DLG2: variants seen among roughly 807,000 people sequenced by gnomAD.
The protein encoded by DLG2 is disks large homolog 2.
DLG2 carries 45 observed loss-of-function variants against 132.5 expected under a neutral mutation model. The ratio of observed to expected loss-of-function variants is 0.34; its 90% CI spans 0.27 to 0.44. The LOEUF (loss-of-function observed/expected upper bound fraction) is 0.44. DLG2 is among the 20% of genes least tolerant of loss of function. The pLI, the probability that DLG2 is intolerant of heterozygous loss-of-function variation, is 1.00. For missense variants in DLG2, 1,045 were observed against 1,196.9 expected (o/e 0.87, Z 1.87); for synonymous variants, 424 against 419.6 (o/e 1.01, Z -0.13).
chr11:85,309,927 CT>C (rs1252926917), intron 3 of DLG2, among the ~76,000 whole-genome samples: 3 of 152,112 alleles, frequency 2.0e-5, no homozygotes, highest in Non-Finnish European at 4.4e-5. Flanking sequence ...CAGGATTTTG[CT>C]TTCTGTTTAT....
At chr11:84,656,570 T>G (rs1389737816) in intron 6 of DLG2, among the ~76,000 whole-genome samples, 2 of 152,176 alleles carry the variant, frequency 1.3e-5, no homozygotes, top group African/African-American at 4.8e-5. Flanking sequence ...CAACTATGTT[T>G]GGGATCATGA....
At chr11:83,510,730 A>T (rs1041818694) in intron 21 of DLG2, among the ~76,000 whole-genome samples, 28 of 151,674 alleles carry the variant, frequency 1.8e-4, no homozygotes, top group African/African-American at 6.8e-4. Context: ...GCTAAATGCA[A>T]GTAGACTGTG....
chr11:83,992,650 C>A (rs1356230596), intron 11 of DLG2, among the ~76,000 whole-genome samples: 1 of 152,040 alleles, frequency 6.6e-6, no homozygotes, highest in African/African-American at 2.4e-5. Context: ...GTCTGTAGAA[C>A]CATTAATGTA....
intron 3 of DLG2, among the ~76,000 whole-genome samples, chr11:85,502,032 T>C (rs901902132): frequency 2.0e-5 from 3 of 152,154 alleles, no homozygotes; most frequent in African/African-American, 7.2e-5. Flanking sequence ...TGTCCACCAA[T>C]GATAGACTGG....
intron 12 of DLG2, among the ~76,000 whole-genome samples, chr11:83,968,387 C>G (rs2090663048): frequency 6.6e-6 from 1 of 152,152 alleles, no homozygotes; most frequent in African/African-American, 2.4e-5. Flanking sequence ...TCTCACATTT[C>G]TCTTCTAGAT....
At chr11:84,165,547 A>G (rs573128043) in intron 8 of DLG2, among the ~76,000 whole-genome samples, 17 of 152,316 alleles carry the variant, frequency 1.1e-4, no homozygotes, top group African/African-American at 3.8e-4. Context: ...ATTCAACAGT[A>G]TCCAGGTTCT....
At chr11:85,532,841 CA>C (rs1448163829) in intron 3 of DLG2, among the ~76,000 whole-genome samples, 2 of 152,036 alleles carry the variant, frequency 1.3e-5, no homozygotes, top group African/African-American at 4.8e-5. Context: ...GTCCTGAAAT[CA>C]AAGCTATTTT....
At chr11:84,469,579 C>A (rs1051275925) in intron 7 of DLG2, among the ~76,000 whole-genome samples, 1 of 151,528 alleles carries the variant, frequency 6.6e-6, no homozygotes, top group Non-Finnish European at 1.5e-5. Flanking sequence ...TGTAGTAAAT[C>A]AACATTACTA....
rs116730925 is a variant in DLG2 at position 84,105,807 on chromosome 11, T to C, written c.625-6760A>G. On this transcript the variant is annotated intron_variant, in intron 9 of 27. Transcript: ENST00000376104. ...TCTCACTAACCCCAAGATTCCTATA[T>C]GCTTCCCTTAACCCAGGAACACCTA... Among the ~76,000 whole-genome samples the C allele has an allele frequency of 5.7e-3, 873 of 152,272 alleles. 7 individuals are homozygous for C. Among genetic ancestry groups the C allele is most frequent in the African/African-American group, 0.02 (827 of 41,586 alleles).
intron 21 of DLG2, among the ~76,000 whole-genome samples, chr11:83,485,740 G>C (rs1435435084): frequency 6.6e-6 from 1 of 152,132 alleles, no homozygotes; most frequent in African/African-American, 2.4e-5. Flanking sequence ...TGACAAAATG[G>C]TATAAATAAC....
At chr11:84,500,792 C>T (rs1325377829) in intron 7 of DLG2, among the ~76,000 whole-genome samples, 1 of 152,158 alleles carries the variant, frequency 6.6e-6, no homozygotes, top group Non-Finnish European at 1.5e-5. Context: ...GATCCCAACA[C>T]AGTGTAGTAT....
chr11:84,976,189 T>G (rs961212079), intron 6 of DLG2, among the ~76,000 whole-genome samples: 1 of 152,198 alleles, frequency 6.6e-6, no homozygotes, highest in Non-Finnish European at 1.5e-5. Context: ...GGAATTTTTT[T>G]GTGTGTATCT....
chr11:85,507,597 C>G (rs1352838875), intron 3 of DLG2, among the ~76,000 whole-genome samples: 1 of 152,188 alleles, frequency 6.6e-6, no homozygotes. Flanking sequence ...GTCTGATGGG[C>G]TTCCCTTTTT....
intron 11 of DLG2, among the ~76,000 whole-genome samples, chr11:84,029,184 T>G (rs771621921): frequency 6.6e-5 from 10 of 152,098 alleles, no homozygotes; most frequent in Non-Finnish European, 1.3e-4. Flanking sequence ...AGTTACTATT[T>G]TCCTATTGGA....
At chr11:84,761,416 T>C (rs535954184) in intron 6 of DLG2, among the ~76,000 whole-genome samples, 18 of 152,292 alleles carry the variant, frequency 1.2e-4, no homozygotes, top group East Asian at 1.9e-4. Context: ...CCTGAAGTAC[T>C]GTTCCTGGGT....
intron 11 of DLG2, among the ~76,000 whole-genome samples, chr11:83,989,190 C>T (rs969827468): frequency 6.6e-5 from 10 of 152,110 alleles, no homozygotes; most frequent in Non-Finnish European, 1.2e-4. Flanking sequence ...CTGTATAAGG[C>T]ATCACATTGC....
chr11:83,833,867 T>G, intron 16 of DLG2, 97 bp from the exon 17 acceptor site: 6 of 1,251,866 alleles, frequency 4.8e-6, no homozygotes. Flanking sequence ...AGCAACTCAC[T>G]ACTTGTAAAA....
In DLG2 at chr11:84,703,866, A is replaced by ATATATATATATATATATG. The variant is rs1555174822; in HGVS notation, c.358-169136_358-169135insCATATATATATATATATA. Among the ~76,000 whole-genome samples, 336 of 118,336 alleles carry ATATATATATATATATATG rather than the reference A, an allele frequency of 2.8e-3. 11 individuals are homozygous for ATATATATATATATATATG. Among genetic ancestry groups the ATATATATATATATATATG allele is most frequent in the African/African-American group, 0.015 (326 of 22,442 alleles). 77.6% of individuals were successfully genotyped at this position (118,336 alleles called of 152,430 possible). On this transcript the variant is annotated intron_variant, in intron 6 of 27. Coordinates refer to ENST00000376104, the MANE Select transcript of DLG2 (RefSeq NM_001142699.3). The stretch of plus-strand genomic sequence containing the variant: ...AAAACTATGTAGTGAAGATATATAT[A>ATATATATATATATATATG]TATATATATATATATATACACGTGT...
intron 6 of DLG2, among the ~76,000 whole-genome samples, chr11:84,705,492 C>T (rs2059692896): frequency 6.6e-6 from 1 of 151,662 alleles, no homozygotes; most frequent in Non-Finnish European, 1.5e-5. Context: ...ATTTTATAAG[C>T]AATAAAAGCA....
Sources: gnomAD v4.1 joint callset for allele counts (sites outside exome capture counted in the v4.1 genomes callset) on GRCh38, gnomAD v4.1.1 for gene constraint, MANE v1.5 for transcripts, NCBI Gene and HGNC (gene_info 2026-07-23, HGNC 2026-07-21) for gene names.